UQCRC2: variants seen among roughly 807,000 people sequenced by gnomAD.
UQCRC2 encodes the protein cytochrome b-c1 complex subunit 2, mitochondrial.
Under a neutral mutation model 55.6 loss-of-function variants are expected in UQCRC2, and 49 were observed. The ratio of observed to expected loss-of-function variants is 0.88; its 90% CI spans 0.70 to 1.12. The LOEUF (loss-of-function observed/expected upper bound fraction) is 1.12, where lower values mean the gene tolerates loss of function less well. Among genes scored for constraint, UQCRC2 ranks in the 50% most tolerant of loss-of-function variants. The pLI, the probability that UQCRC2 is intolerant of heterozygous loss-of-function variation, is 0.00. For synonymous variants in UQCRC2, 193 were observed against 192.0 expected, an observed-to-expected ratio of 1.01 and a Z score of -0.04; for missense variants, 506 against 547.8, an observed-to-expected ratio of 0.92 and a Z score of 0.76.
intron 6 of UQCRC2, among the ~76,000 whole-genome samples, chr16:21,964,796 A>G: frequency 6.6e-6 from 1 of 152,234 alleles, no homozygotes; most frequent in African/African-American, 2.4e-5. Context: ...GAGGGCAGGC[A>G]TTGTATGTTC....
chr16:21,967,308 A>G (rs1304524365), intron 7 of UQCRC2, among the ~76,000 whole-genome samples: 2 of 152,182 alleles, frequency 1.3e-5, no homozygotes, highest in Admixed American at 6.6e-5. Context: ...TAGCCCAGTG[A>G]TTCTCAAAAC....
At chr16:21,955,718 T>G (rs1898075805) in intron 1 of UQCRC2, among the ~76,000 whole-genome samples, 1 of 152,176 alleles carries the variant, frequency 6.6e-6, no homozygotes. Context: ...TTTTATTTAG[T>G]CAAAAAAACT....
In UQCRC2 at chr16:21,983,223, A is replaced by T; in HGVS notation, c.*52A>T. ...GCTGAACGTTCTCTCAGCCCAGAGC[A>T]GCAAACACATGAAAGTCAGAAGTCT... On this transcript the variant is annotated 3_prime_UTR_variant, in exon 14 of 14. Coordinates refer to ENST00000268379, the MANE Select transcript of UQCRC2 (RefSeq NM_003366.4). The T allele has an allele frequency of 2.0e-6, 3 of 1,522,814 alleles. No individual in the cohort carries two copies. The highest frequency in any genetic ancestry group is 2.7e-6 in the Non-Finnish European group (3 of 1,109,828). 94.3% of individuals were successfully genotyped at this position (1,522,814 alleles called of 1,614,324 possible). A position where few individuals can be genotyped will look rare whatever the true frequency, so the allele number is the denominator to read the frequency against.
In UQCRC2 at chr16:21,957,689, G is replaced by A. The variant is rs551917710; in HGVS notation, c.267+123G>A. 1.1e-4 allele frequency: 156 copies of A among 1,375,580 alleles called. No homozygotes were observed. In the African/African-American group the frequency reaches 1.9e-3, roughly 17 times the overall value. 85.2% of individuals were successfully genotyped at this position (1,375,580 alleles called of 1,614,324 possible). On this transcript the variant is annotated intron_variant, in intron 3 of 13. Coordinates refer to ENST00000268379, the MANE Select transcript of UQCRC2 (RefSeq NM_003366.4). ...TTGACCTGCCATAACAAATTACCAC[G>A]GACTGGGTAGCTTAAACCAAATAAG...
intron 11 of UQCRC2, 107 bp downstream of exon 11, chr16:21,974,083 C>T (rs1372437671): frequency 5.9e-5 from 56 of 946,530 alleles, no homozygotes; most frequent in Non-Finnish European, 8.6e-5. Context: ...AGTGCAATGA[C>T]TTATCAGAGC....
intron 4 of UQCRC2, chr16:21,959,584 T>G (rs2141928531): frequency 6.5e-6 from 1 of 153,104 alleles, no homozygotes; most frequent in African/African-American, 2.4e-5. Context: ...CAAACTCACG[T>G]TAATGTTGAT....
intron 1 of UQCRC2, among the ~76,000 whole-genome samples, chr16:21,954,683 C>G (rs1036595532): frequency 6.6e-6 from 1 of 152,050 alleles, no homozygotes; most frequent in Admixed American, 6.5e-5. Context: ...GTTATTAGAA[C>G]AAAATAATTT....
chr16:21,971,918 C>T lies in UQCRC2; in HGVS notation c.767-5C>T. On this transcript the variant is annotated splice_region_variant and splice_polypyrimidine_tract_variant and intron_variant, in intron 9 of 13. Coordinates refer to ENST00000268379, the MANE Select transcript of UQCRC2 (RefSeq NM_003366.4). ...TTCTTCCCTCTATCCTTAATCTGGC[C>T]CCAGGTGAAATCCGAGAACAGAATG... 1.2e-6 allele frequency: 2 copies of T among 1,613,628 alleles called. No individual in the cohort carries two copies. The highest frequency in any genetic ancestry group is 1.7e-6 in the Non-Finnish European group (2 of 1,180,002).
At position 21,956,309 on chromosome 16, in the gene UQCRC2, C is replaced by T. The variant is rs956200990; in HGVS notation, c.34-926C>T. Among the ~76,000 whole-genome samples, 10 of 151,954 alleles carry T rather than the reference C, an allele frequency of 6.6e-5. 1 individual carries two copies. The highest frequency in any genetic ancestry group is 1.3e-4 in the Admixed American group (2 of 15,260). ...CTGTAATTCTAGCACTTTGTGAGGC[C>T]GAGGCGGGTGGATTGCCTGAGCTCA... On this transcript the variant is annotated intron_variant, in intron 1 of 13. Transcript: ENST00000268379.
At chr16:21,970,211 G>T (rs1778504211) in intron 8 of UQCRC2, among the ~76,000 whole-genome samples, 1 of 152,102 alleles carries the variant, frequency 6.6e-6, no homozygotes, top group African/African-American at 2.4e-5. Context: ...TCATTGATTG[G>T]CATTTGGGTT....
intron 13 of UQCRC2, among the ~76,000 whole-genome samples, chr16:21,980,947 G>C (rs1000795013): frequency 1.3e-5 from 2 of 152,110 alleles, no homozygotes; most frequent in Non-Finnish European, 1.5e-5. Context: ...CAGTAAGAGG[G>C]CTGCCATCCA....
chr16:21,957,377 C>G (rs372888669), intron 2 of UQCRC2, 40 bp from the exon 3 acceptor site: 2 of 1,613,708 alleles, frequency 1.2e-6, no homozygotes, highest in East Asian at 2.2e-5. Flanking sequence ...CTTGGTAATA[C>G]GAAGACATTC....
At position 21,983,503 on chromosome 16, in the gene UQCRC2, A is replaced by G. The variant is rs1898787916; in HGVS notation, c.*332A>G. ...ATTAAGGCTAAGTGGCTATCGGGGT[A>G]AATAGTGCCAGATTACTATTGGTGG... is the stretch of plus-strand genomic sequence containing the variant. On this transcript the variant is annotated 3_prime_UTR_variant, in exon 14 of 14. Coordinates refer to ENST00000268379, the MANE Select transcript of UQCRC2 (RefSeq NM_003366.4). 1 of 335,602 alleles carries G rather than the reference A, an allele frequency of 3.0e-6. No individual in the cohort carries two copies. The highest frequency in any genetic ancestry group is 5.3e-6 in the Non-Finnish European group (1 of 187,580). 20.8% of individuals were successfully genotyped at this position (335,602 alleles called of 1,614,324 possible).
chr16:21,974,791 A>T (rs1460264347), intron 11 of UQCRC2, among the ~76,000 whole-genome samples: 3 of 152,232 alleles, frequency 2.0e-5, no homozygotes, highest in African/African-American at 7.2e-5. Flanking sequence ...AGTCTGAGAA[A>T]GGAATACTTG....
rs113742062 is a variant in UQCRC2, at chr16:21,970,119, C to T, written c.671-1406C>T. 1.8e-3 allele frequency among the ~76,000 whole-genome samples: 273 copies of T among 152,102 alleles called. 1 individual carries two copies. Among genetic ancestry groups the T allele is most frequent in the African/African-American group, 6.1e-3 (255 of 41,512 alleles). ...TACTTAGCATAATGTTTTCAAGGTC[C>T]GTCCATATTGTAGCATGTGTCAATT... On this transcript the variant is annotated intron_variant, in intron 8 of 13. Transcript: ENST00000268379.
intron 4 of UQCRC2, among the ~76,000 whole-genome samples, chr16:21,958,945 A>G (rs779324582): frequency 1.8e-4 from 27 of 152,252 alleles, no homozygotes; most frequent in Non-Finnish European, 3.7e-4. Flanking sequence ...ACTGTGGTCT[A>G]CTAAGTGTAC....
rs974126699 is a variant in UQCRC2 at position 21,974,529 on chromosome 16, G to A, written c.1047+553G>A. On this transcript the variant is annotated intron_variant, in intron 11 of 13. Coordinates refer to ENST00000268379, the MANE Select transcript of UQCRC2 (RefSeq NM_003366.4). Reference sequence around the variant, plus strand: ...TTCATTACCACTGAGAAGTCTGGTAGTTTCAGCAAGCTAGGACATCATGGG... The same window carrying A: ...TTCATTACCACTGAGAAGTCTGGTAATTTCAGCAAGCTAGGACATCATGGG... 4.6e-5 allele frequency among the ~76,000 whole-genome samples: 7 copies of A among 152,328 alleles called. No individual in the cohort carries two copies. In the South Asian group the frequency reaches 1.4e-3, roughly 32 times the overall value.
At chr16:21,976,094 T>C in intron 11 of UQCRC2, 73 bp from the exon 12 acceptor site, 1 of 1,040,404 alleles carries the variant, frequency 9.6e-7, no homozygotes, top group Non-Finnish European at 1.5e-6. Flanking sequence ...TTTGCCTCAG[T>C]AAAGAAGTGT....
At chr16:21,964,100 A>G (rs568318550) in intron 6 of UQCRC2, among the ~76,000 whole-genome samples, 2 of 152,304 alleles carry the variant, frequency 1.3e-5, no homozygotes, top group South Asian at 4.1e-4. Flanking sequence ...GTGGTTCAGC[A>G]TGGGACAGGC....
Sources: gnomAD v4.1 joint callset for allele counts (sites outside exome capture counted in the v4.1 genomes callset) on GRCh38, gnomAD v4.1.1 for gene constraint, MANE v1.5 for transcripts, NCBI Gene and HGNC (gene_info 2026-07-23, HGNC 2026-07-21) for gene names.